GRIP1: variants seen among roughly 807,000 people sequenced by gnomAD.
The protein encoded by GRIP1 is glutamate receptor-interacting protein 1.
A neutral mutation model predicts 129.9 loss-of-function variants in GRIP1; 45 were observed. The ratio of observed to expected loss-of-function variants is 0.35; its 90% confidence interval spans 0.27 to 0.44. The LOEUF (loss-of-function observed/expected upper bound fraction) is 0.44. GRIP1 is among the 20% of genes least tolerant of loss of function. GRIP1 has a pLI of 1.00. For synonymous variants in GRIP1, 530 were observed against 520.8 expected (o/e 1.02, Z -0.24); for missense variants, 1,196 against 1,396.8 (o/e 0.86, Z 2.29).
intron 3 of GRIP1, 147 bp from the exon 4 acceptor site, chr12:66,539,370 G>A (rs1404443378): frequency 5.3e-6 from 5 of 952,218 alleles, no homozygotes; most frequent in South Asian, 2.8e-5. Context: ...CCTAGGAGAC[G>A]GTGGGCCCTT....
At chr12:67,023,769 T>C (rs1188477499) in intron 1 of GRIP1, among the ~76,000 whole-genome samples, 1 of 152,164 alleles carries the variant, frequency 6.6e-6, no homozygotes, top group Non-Finnish European at 1.5e-5. Flanking sequence ...TAGTGGCAGA[T>C]TCCAATGCCC....
chr12:66,525,093 C>G (rs1187469127), intron 5 of GRIP1, among the ~76,000 whole-genome samples: 2 of 152,112 alleles, frequency 1.3e-5, no homozygotes, highest in East Asian at 3.9e-4. Flanking sequence ...CCGAATTCTA[C>G]CAAAGCTACA....
At chr12:66,723,304 C>CTTTTTTTTTTTT (rs57938064) in intron 1 of GRIP1, among the ~76,000 whole-genome samples, 2 of 58,430 alleles carry the variant, frequency 3.4e-5, no homozygotes, top group Non-Finnish European at 5.8e-5. Context: ...TTCTTTCTTT[C>CTTTTTTTTTTTT]TTTTTTTTTT....
At chr12:66,686,073 C>A (rs1329815918) in intron 1 of GRIP1, among the ~76,000 whole-genome samples, 4 of 152,124 alleles carry the variant, frequency 2.6e-5, no homozygotes, top group African/African-American at 9.7e-5. Flanking sequence ...TTTAAAAAAA[C>A]AACAATAGCT....
chr12:66,961,666 T>A (rs1329354670), intron 1 of GRIP1, among the ~76,000 whole-genome samples: 1 of 152,072 alleles, frequency 6.6e-6, no homozygotes, highest in Non-Finnish European at 1.5e-5. Flanking sequence ...TTGGCCCCAA[T>A]TTTTTTAAAG....
intron 1 of GRIP1, among the ~76,000 whole-genome samples, chr12:66,864,559 TA>T (rs5798839): frequency 6.7e-6 from 1 of 148,806 alleles, no homozygotes; most frequent in African/African-American, 2.5e-5. Flanking sequence ...CTATTAAAAA[TA>T]AAAAAAAAAT....
chr12:66,809,359 T>G (rs1164989951), intron 1 of GRIP1, among the ~76,000 whole-genome samples: 3 of 152,206 alleles, frequency 2.0e-5, no homozygotes, highest in Admixed American at 6.5e-5. Context: ...AGTAACAGTA[T>G]GAAACACACA....
chr12:67,050,100 G>A (rs1472596302), intron 1 of GRIP1, among the ~76,000 whole-genome samples: 2 of 145,936 alleles, frequency 1.4e-5, no homozygotes, highest in Admixed American at 1.3e-4. Context: ...GCTACTATGT[G>A]CTTATTTTAT....
chr12:66,851,227 A>C (rs1251589694), intron 1 of GRIP1, among the ~76,000 whole-genome samples: 1 of 151,858 alleles, frequency 6.6e-6, no homozygotes, highest in Non-Finnish European at 1.5e-5. Context: ...AAGCTTCATC[A>C]TCTGAAAGAC....
intron 1 of GRIP1, among the ~76,000 whole-genome samples, chr12:66,869,162 A>T (rs1037514385): frequency 2.6e-5 from 4 of 151,968 alleles, no homozygotes; most frequent in Non-Finnish European, 5.9e-5. Context: ...CTATTCATCT[A>T]GTATTCCCTG....
chr12:66,492,774 C>A (rs544703731), intron 7 of GRIP1, among the ~76,000 whole-genome samples: 222 of 152,204 alleles, frequency 1.5e-3, no homozygotes, highest in Admixed American at 2.4e-3. Context: ...CTTTGGGAGG[C>A]CAACGCGAGT....
chr12:66,644,159 C>T (rs559953856), intron 1 of GRIP1, among the ~76,000 whole-genome samples: 28 of 152,146 alleles, frequency 1.8e-4, no homozygotes, highest in African/African-American at 6.5e-4. Flanking sequence ...GAAACTGCAC[C>T]CATGATTCAA....
chr12:66,944,747 C>A (rs1479368702), intron 1 of GRIP1, among the ~76,000 whole-genome samples: 1 of 152,156 alleles, frequency 6.6e-6, no homozygotes, highest in East Asian at 1.9e-4. Flanking sequence ...CACACCCTTT[C>A]CTCACCAAAA....
chr12:66,354,488 C>T (rs889433329), intron 23 of GRIP1, among the ~76,000 whole-genome samples: 7 of 152,184 alleles, frequency 4.6e-5, no homozygotes, highest in Non-Finnish European at 7.3e-5. Flanking sequence ...GCTCTCACCG[C>T]ACTGGGCACT....
At chr12:66,706,081 T>C in intron 1 of GRIP1, among the ~76,000 whole-genome samples, 1 of 152,200 alleles carries the variant, frequency 6.6e-6, no homozygotes, top group East Asian at 1.9e-4. Context: ...AAAGAGCTTC[T>C]GCACAGCAAA....
intron 1 of GRIP1, among the ~76,000 whole-genome samples, chr12:66,701,897 T>G (rs2035366122): frequency 6.6e-6 from 1 of 152,196 alleles, no homozygotes; most frequent in Non-Finnish European, 1.5e-5. Flanking sequence ...TATACTTAAT[T>G]GGTCCTCACT....
intron 1 of GRIP1, among the ~76,000 whole-genome samples, chr12:66,607,532 T>C (rs1319751582): frequency 6.6e-6 from 1 of 152,218 alleles, no homozygotes; most frequent in Non-Finnish European, 1.5e-5. Context: ...TTTATGAGTG[T>C]TCATGTAGCC....
intron 4 of GRIP1, among the ~76,000 whole-genome samples, chr12:66,533,456 T>A (rs2061512007): frequency 6.6e-6 from 1 of 151,706 alleles, no homozygotes; most frequent in African/African-American, 2.4e-5. Context: ...ACCAGCCTGG[T>A]CAATGTGGTA....
At chr12:67,024,864 A>C (rs1410531344) in intron 1 of GRIP1, among the ~76,000 whole-genome samples, 1 of 152,192 alleles carries the variant, frequency 6.6e-6, no homozygotes, top group African/African-American at 2.4e-5. Flanking sequence ...TAATTCCCCC[A>C]CTAATAATGT....
Sources: gnomAD v4.1 joint callset for allele counts (sites outside exome capture counted in the v4.1 genomes callset) on GRCh38, gnomAD v4.1.1 for gene constraint, MANE v1.5 for transcripts, NCBI Gene and HGNC (gene_info 2026-07-23, HGNC 2026-07-21) for gene names.